DSCAM: variants seen among roughly 807,000 people sequenced by gnomAD.
DSCAM encodes the protein DS cell adhesion molecule.
DSCAM carries 47 observed loss-of-function variants against 217.7 expected under a neutral mutation model. The ratio of observed to expected loss-of-function variants is 0.22; its 90% CI spans 0.17 to 0.28. The LOEUF is 0.28. DSCAM is among the 10% of genes least tolerant of loss of function. The pLI is 1.00. For synonymous variants in DSCAM, 1,056 were observed against 1,015.3 expected, an observed-to-expected ratio of 1.04 and a Z score of -0.76; for missense variants, 2,080 against 2,618.3, an observed-to-expected ratio of 0.79 and a Z score of 4.49.
Position 40,479,139 on chromosome 21 carries a change from A to G in DSCAM, c.509-109894T>C, listed in dbSNP as rs56090511. ...ATTGCAATGAGGCATTTCAACGTCT[A>G]AGTAATCCTATAAATTCTATTATTG... On this transcript the variant is annotated intron_variant, in intron 3 of 32. Coordinates refer to ENST00000400454, the MANE Select transcript of DSCAM (RefSeq NM_001389.5). Among the ~76,000 whole-genome samples the G allele has an allele frequency of 6.9e-3, 1,045 of 152,284 alleles. 10 individuals carry two copies. The highest frequency in any genetic ancestry group is 0.02 in the Middle Eastern group (6 of 294).
intron 3 of DSCAM, among the ~76,000 whole-genome samples, chr21:40,393,585 A>T (rs2075152943): frequency 6.6e-6 from 1 of 152,332 alleles, no homozygotes; most frequent in Admixed American, 6.5e-5. Context: ...GAAAAATAAA[A>T]ACTAGAAAGA....
intron 1 of DSCAM, among the ~76,000 whole-genome samples, chr21:40,781,576 T>C (rs1040117731): frequency 6.6e-6 from 1 of 152,140 alleles, no homozygotes; most frequent in Non-Finnish European, 1.5e-5. Context: ...GCAGGTTATA[T>C]AGGGCTGACT....
intron 3 of DSCAM, among the ~76,000 whole-genome samples, chr21:40,656,905 T>C (rs979008260): frequency 1.3e-5 from 2 of 152,214 alleles, no homozygotes; most frequent in African/African-American, 4.8e-5. Context: ...TTTCTTTTCT[T>C]CACTGGACAA....
intron 3 of DSCAM, among the ~76,000 whole-genome samples, chr21:40,405,651 G>A (rs894095537): frequency 1.3e-5 from 2 of 152,008 alleles, no homozygotes; most frequent in Non-Finnish European, 2.9e-5. Flanking sequence ...TAACAAGAAA[G>A]CAAATAATCT....
At chr21:40,323,434 T>C (rs1458509177) in intron 8 of DSCAM, among the ~76,000 whole-genome samples, 1 of 152,222 alleles carries the variant, frequency 6.6e-6, no homozygotes, top group Non-Finnish European at 1.5e-5. Flanking sequence ...AGAGAATTAG[T>C]GCTGAGTTCT....
intron 1 of DSCAM, among the ~76,000 whole-genome samples, chr21:40,731,552 G>A (rs1452087606): frequency 6.6e-6 from 1 of 152,100 alleles, no homozygotes; most frequent in Non-Finnish European, 1.5e-5. Context: ...TATCCACAGG[G>A]TTGGTTTGTT....
At chr21:40,387,753 A>G (rs16999723) in intron 3 of DSCAM, among the ~76,000 whole-genome samples, 7,410 of 152,276 alleles carry the variant, frequency 0.049, 594 homozygotes, top group African/African-American at 0.17. Context: ...TTACACAATA[A>G]GTATTTTAAA....
At chr21:40,255,653 G>C (rs1315280498) in intron 11 of DSCAM, among the ~76,000 whole-genome samples, 2 of 152,228 alleles carry the variant, frequency 1.3e-5, no homozygotes, top group East Asian at 1.9e-4. Flanking sequence ...GGCAGAAACA[G>C]AAGCAAAAGA....
chr21:40,065,603 G>A (rs572753683), intron 27 of DSCAM, among the ~76,000 whole-genome samples: 1 of 152,244 alleles, frequency 6.6e-6, no homozygotes, highest in Middle Eastern at 3.4e-3. Context: ...GCCACTCCAC[G>A]GTTGGGGTCG....
At chr21:40,302,875 C>A (rs2074031784) in intron 9 of DSCAM, among the ~76,000 whole-genome samples, 1 of 152,080 alleles carries the variant, frequency 6.6e-6, no homozygotes, top group Non-Finnish European at 1.5e-5. Context: ...GGGTGGATTA[C>A]TTCTGTTGTT....
At chr21:40,235,792 C>G (rs989174744) in intron 11 of DSCAM, among the ~76,000 whole-genome samples, 1 of 152,098 alleles carries the variant, frequency 6.6e-6, no homozygotes, top group African/African-American at 2.4e-5. Context: ...AAATCAGGTC[C>G]CTTTACACTG....
chr21:40,094,248 GAC>G (rs1414846214), intron 20 of DSCAM, among the ~76,000 whole-genome samples: 6 of 152,250 alleles, frequency 3.9e-5, no homozygotes, highest in Middle Eastern at 3.4e-3. Flanking sequence ...GGTAATAAAT[GAC>G]AGTGATCTCT....
chr21:40,227,887 C>A (rs2146916982), intron 11 of DSCAM, among the ~76,000 whole-genome samples: 1 of 152,232 alleles, frequency 6.6e-6, no homozygotes, highest in South Asian at 2.1e-4. Flanking sequence ...CTACCTGCTA[C>A]CTAATGTCCC....
chr21:40,844,052 C>A (rs1018304151), intron 1 of DSCAM, among the ~76,000 whole-genome samples: 7 of 151,970 alleles, frequency 4.6e-5, no homozygotes, highest in Non-Finnish European at 1.0e-4. Flanking sequence ...TAGAATTCAT[C>A]AATCTTTTAT....
chr21:40,066,131 C>T (rs1308196405), intron 27 of DSCAM, among the ~76,000 whole-genome samples: 1 of 152,232 alleles, frequency 6.6e-6, no homozygotes, highest in African/African-American at 2.4e-5. Flanking sequence ...CCCTGGACCT[C>T]TGCCTTATAT....
At chr21:40,462,433 C>T (rs758508943) in intron 3 of DSCAM, among the ~76,000 whole-genome samples, 19 of 152,296 alleles carry the variant, frequency 1.2e-4, no homozygotes, top group East Asian at 3.9e-4. Context: ...GCCTGAGAAC[C>T]GCTGGCTTAA....
chr21:40,102,647 C>T (rs575057283), intron 20 of DSCAM, among the ~76,000 whole-genome samples: 3 of 152,088 alleles, frequency 2.0e-5, no homozygotes, highest in Non-Finnish European at 4.4e-5. Context: ...TGCTTTTGAC[C>T]AGTAAATAAG....
chr21:40,043,531 G>A (rs1468768454), intron 31 of DSCAM, among the ~76,000 whole-genome samples: 1 of 152,278 alleles, frequency 6.6e-6, no homozygotes, highest in East Asian at 1.9e-4. Flanking sequence ...GGGCAACCCG[G>A]TGCTATTCTT....
chr21:40,214,288 T>C (rs1454975212), intron 11 of DSCAM, among the ~76,000 whole-genome samples: 1 of 152,226 alleles, frequency 6.6e-6, no homozygotes, highest in African/African-American at 2.4e-5. Flanking sequence ...AAGACATTCT[T>C]ACTCAGTCAT....
Sources: gnomAD v4.1 joint callset for allele counts (sites outside exome capture counted in the v4.1 genomes callset) on GRCh38, gnomAD v4.1.1 for gene constraint, MANE v1.5 for transcripts, NCBI Gene and HGNC (gene_info 2026-07-23, HGNC 2026-07-21) for gene names.